The following WDFY4 variants were observed in gnomAD, a reference collection of about 807,000 sequenced individuals.
WDFY4 encodes the protein WD repeat- and FYVE domain-containing protein 4.
WDFY4 carries 169 observed loss-of-function variants against 351.9 expected under a neutral mutation model. The observed-to-expected ratio is 0.48, with a 90% CI of 0.42 to 0.55. The LOEUF (loss-of-function observed/expected upper bound fraction) is 0.55. Among genes scored for constraint, WDFY4 ranks in the 20% least tolerant of loss-of-function variants. WDFY4 has a pLI of 0.00. For synonymous variants in WDFY4, 1,622 were observed against 1,574.6 expected, an observed-to-expected ratio of 1.03 and a Z score of -0.71; for missense variants, 3,803 against 3,935.6, an observed-to-expected ratio of 0.97 and a Z score of 0.90.
intron 47 of WDFY4, among the ~76,000 whole-genome samples, chr10:48,918,771 T>C (rs904305728): frequency 1.3e-5 from 2 of 152,180 alleles, no homozygotes; most frequent in African/African-American, 4.8e-5. Flanking sequence ...GTGACAGGGC[T>C]TGGGGGAAGA....
chr10:48,739,226 C>A (rs185368496), intron 11 of WDFY4, among the ~76,000 whole-genome samples: 2 of 152,270 alleles, frequency 1.3e-5, no homozygotes, highest in Non-Finnish European at 2.9e-5. Context: ...TTAGTCCTAA[C>A]GTAGTTAGCG....
chr10:48,963,224 G>A (rs1004164019), intron 53 of WDFY4, among the ~76,000 whole-genome samples: 3 of 152,238 alleles, frequency 2.0e-5, no homozygotes, highest in Non-Finnish European at 2.9e-5. Flanking sequence ...GCCTGGCATC[G>A]TATGTGCTTA....
chr10:48,686,932 G>T (rs1032909542), intron 1 of WDFY4, among the ~76,000 whole-genome samples: 3 of 152,138 alleles, frequency 2.0e-5, no homozygotes, highest in African/African-American at 7.2e-5. Context: ...AGCCTTACTG[G>T]ATGTCACCAC....
At position 48,873,597 on chromosome 10, in the gene WDFY4, G is replaced by A. The variant is rs1426989069; in HGVS notation, c.6848G>A (p.Cys2283Tyr). 5 of 1,551,780 alleles carry A rather than the reference G, an allele frequency of 3.2e-6. No individual in the cohort carries two copies. Among genetic ancestry groups the A allele is most frequent in the Non-Finnish European group, 3.5e-6 (4 of 1,147,014 alleles). Residue 2283 changes from cysteine (C) to tyrosine (Y), a missense_variant, in exon 41 of 62, where the codon TGT becomes TAT. Physicochemically the swap from Cys to Tyr is radical, Grantham distance 194. This residue lies in a region of WDFY4 where 3,054 missense variants were observed against 3,148.6 expected (regional missense o/e 0.97). Transcript: ENST00000325239. ...LWSQGEETKP[C>Y]SPWELDWREG... ...AGCCAGGGGGAAGAAACCAAGCCCTGTTCCCCATGGGAACTCGACTGGAGA... is the reference window on the plus strand; with the variant it reads ...AGCCAGGGGGAAGAAACCAAGCCCTATTCCCCATGGGAACTCGACTGGAGA...
intron 47 of WDFY4, among the ~76,000 whole-genome samples, chr10:48,912,120 G>A (rs765655495): frequency 6.6e-5 from 10 of 152,256 alleles, no homozygotes; most frequent in East Asian, 1.9e-4. Flanking sequence ...AGGTGTGAGA[G>A]TGTGGTACAC....
intron 39 of WDFY4, among the ~76,000 whole-genome samples, chr10:48,859,573 T>G (rs1034275969): frequency 5.3e-5 from 8 of 152,198 alleles, no homozygotes; most frequent in Admixed American, 1.3e-4. Flanking sequence ...AAATCCCACT[T>G]GGCCATTGTA....
chr10:48,724,632 C>T (rs1355018169), intron 5 of WDFY4, among the ~76,000 whole-genome samples: 3 of 152,068 alleles, frequency 2.0e-5, no homozygotes, highest in Non-Finnish European at 4.4e-5. Flanking sequence ...AGGGAATAGA[C>T]CATTCCTGCA....
At chr10:48,833,215 A>G (rs2133073956) in intron 39 of WDFY4, among the ~76,000 whole-genome samples, 2 of 145,924 alleles carry the variant, frequency 1.4e-5, no homozygotes, top group Middle Eastern at 3.8e-3. Flanking sequence ...ACGTTGTTGT[A>G]AGGTATATGG....
chr10:48,725,780 G>A, intron 5 of WDFY4, 101 bp from the exon 6 acceptor site: 2 of 1,209,688 alleles, frequency 1.7e-6, no homozygotes, highest in Non-Finnish European at 2.3e-6. Flanking sequence ...TTCTCACAGA[G>A]ACATGCTCAT....
chr10:48,745,810 G>C, intron 12 of WDFY4: 1 of 372,302 alleles, frequency 2.7e-6, no homozygotes, highest in Non-Finnish European at 5.1e-6. Flanking sequence ...CTGCTGTAGG[G>C]CGGTGGGATT....
chr10:48,904,026 G>A (rs1270622208), intron 47 of WDFY4, among the ~76,000 whole-genome samples: 2 of 152,224 alleles, frequency 1.3e-5, no homozygotes, highest in Non-Finnish European at 2.9e-5. Context: ...GACTCAAGGT[G>A]GGAGTGGTCA....
chr10:48,780,181 G>A, intron 19 of WDFY4, 62 bp downstream of exon 19: 1 of 1,525,822 alleles, frequency 6.6e-7, no homozygotes, highest in Non-Finnish European at 8.9e-7. Context: ...CTACCCTGAA[G>A]TGGCCTCGGT....
chr10:48,715,390 G>C (rs1336403571), intron 2 of WDFY4, among the ~76,000 whole-genome samples: 1 of 152,232 alleles, frequency 6.6e-6, no homozygotes, highest in Non-Finnish European at 1.5e-5. Flanking sequence ...CCATTTCCTA[G>C]TATGAAGGGA....
chr10:48,705,246 T>C (rs1295206931), intron 1 of WDFY4, among the ~76,000 whole-genome samples: 1 of 152,258 alleles, frequency 6.6e-6, no homozygotes, highest in Non-Finnish European at 1.5e-5. Context: ...CCTGTTTTTA[T>C]TTAAAATTTT....
intron 53 of WDFY4, 94 bp from the exon 54 acceptor site, chr10:48,963,748 G>A (rs762243230): frequency 1.3e-4 from 172 of 1,303,814 alleles, no homozygotes; most frequent in Non-Finnish European, 1.7e-4. Context: ...TGCAGGGCCA[G>A]CACTCTGAAG....
intron 23 of WDFY4, among the ~76,000 whole-genome samples, chr10:48,795,491 GTATATATATATATATATA>G (rs60705301): frequency 2.6e-4 from 26 of 101,218 alleles, no homozygotes; most frequent in Admixed American, 1.2e-3. Context: ...GTGTGTGTCT[GTATATATATATATATATA>G]TATATATATA....
At chr10:48,930,697 A>AT (rs1392971438) in intron 47 of WDFY4, among the ~76,000 whole-genome samples, 3 of 152,240 alleles carry the variant, frequency 2.0e-5, no homozygotes, top group African/African-American at 7.2e-5. Context: ...GTAAAAAAAA[A>AT]TTAGAAACAA....
At chr10:48,685,752 C>A (rs1268123539) in intron 1 of WDFY4, among the ~76,000 whole-genome samples, 3 of 101,696 alleles carry the variant, frequency 2.9e-5, no homozygotes, top group Non-Finnish European at 5.6e-5. Context: ...CTATGCATTA[C>A]CCTTTCCATG....
chr10:48,778,860 T>A lies in WDFY4; in HGVS notation c.3397+28T>A, dbSNP rs752378176. ...AAGGTGCTGGGATCCAAAGCCAGTT[T>A]CATCCACATGTGGGGGAAATGGGGC... On this transcript the variant is annotated intron_variant, in intron 18 of 61. Coordinates refer to ENST00000325239, the MANE Select transcript of WDFY4 (RefSeq NM_001394531.1). The A allele has an allele frequency of 1.9e-6, 3 of 1,545,030 alleles. No homozygotes were observed. In the South Asian group the frequency reaches 3.6e-5, roughly 18 times the overall value.
Sources: gnomAD v4.1 joint callset for allele counts (sites outside exome capture counted in the v4.1 genomes callset) on GRCh38, gnomAD v4.1.1 for gene constraint, gnomAD v4.1.1 regional missense constraint, MANE v1.5 for transcripts, NCBI Gene and HGNC (gene_info 2026-07-23, HGNC 2026-07-21) for gene names.